Variants in PDE1A observed in about 807,000 individuals in gnomAD.
PDE1A encodes the protein phosphodiesterase 1A.
A neutral mutation model predicts 61.7 loss-of-function variants in PDE1A; 35 were observed. That is an observed-to-expected ratio of 0.57 (90% confidence interval 0.43 to 0.75). PDE1A has a LOEUF of 0.75. Ranked by LOEUF, PDE1A falls within the 30% of genes least tolerant of loss-of-function variation. PDE1A has a pLI of 0.00. For synonymous variants in PDE1A, 232 were observed against 213.2 expected (o/e 1.09, Z -0.77); for missense variants, 597 against 630.6 (o/e 0.95, Z 0.57).
chr2:182,623,483 G>A, the PDE1A span, among the ~76,000 whole-genome samples: 1 of 152,164 alleles, frequency 6.6e-6, no homozygotes, highest in Non-Finnish European at 1.5e-5. Flanking sequence ...GTTCTTACCA[G>A]CAAACTGACT....
chr2:182,210,053 A>C (rs1687455150), intron 7 of PDE1A, among the ~76,000 whole-genome samples: 1 of 152,214 alleles, frequency 6.6e-6, no homozygotes, highest in African/African-American at 2.4e-5. Flanking sequence ...ACTGAAGGAC[A>C]TCTTGCTGGC....
At chr2:182,524,720 TTTTC>T (rs1311765270), upstream of PDE1A, among the ~76,000 whole-genome samples, 3 of 152,068 alleles carry the variant, frequency 2.0e-5, no homozygotes, top group Non-Finnish European at 4.4e-5. Flanking sequence ...TTCAAATCAT[TTTTC>T]TTTGTTAGTT....
At chr2:182,608,823 T>C in the PDE1A span, among the ~76,000 whole-genome samples, 2 of 152,240 alleles carry the variant, frequency 1.3e-5, no homozygotes, top group African/African-American at 4.8e-5. Context: ...CCCTGCGCTC[T>C]GGTGCGGGAT....
chr2:182,626,872 C>CAT, the PDE1A span, among the ~76,000 whole-genome samples: 156 of 22,014 alleles, frequency 7.1e-3, 21 homozygotes, highest in East Asian at 0.15. Context: ...TATATATATA[C>CAT]ATATATATAT....
At chr2:182,451,222 C>CA (rs1239681284) in intron 2 of PDE1A, among the ~76,000 whole-genome samples, 1 of 69,072 alleles carries the variant, frequency 1.4e-5, no homozygotes, top group Non-Finnish European at 2.8e-5. Context: ...ACTAAAAATA[C>CA]AAAAAAATTA....
Position 182,298,531 on chromosome 2 carries a change from C to A in PDE1A, c.54-34117G>T, listed in dbSNP as rs550655425. ...GATGCATTTGGTAAAACTGAGTCCT[C>A]CAATTTCTTAGAACCCCAACAGAAG... On this transcript the variant is annotated intron_variant, in intron 1 of 13. Coordinates refer to ENST00000351439, the Ensembl canonical transcript of PDE1A. Among the ~76,000 whole-genome samples, 457 of 152,148 alleles carry A rather than the reference C, an allele frequency of 3.0e-3. 5 individuals are homozygous for A. Among genetic ancestry groups the A allele is most frequent in the Non-Finnish European group, 5.9e-3 (399 of 68,006 alleles).
chr2:182,268,150 G>A (rs973764712), intron 1 of PDE1A, among the ~76,000 whole-genome samples: 3 of 151,972 alleles, frequency 2.0e-5, no homozygotes, highest in Non-Finnish European at 4.4e-5. Context: ...AAAGCTTAGG[G>A]TGAGGGCATG....
chr2:182,311,137 A>G (rs1695941439), intron 1 of PDE1A, among the ~76,000 whole-genome samples: 1 of 152,206 alleles, frequency 6.6e-6, no homozygotes, highest in African/African-American at 2.4e-5. Flanking sequence ...TTAAGCCACC[A>G]AAATGTTGGA....
At chr2:182,335,832 C>T (rs1309269524) in intron 1 of PDE1A, among the ~76,000 whole-genome samples, 1 of 152,098 alleles carries the variant, frequency 6.6e-6, no homozygotes, top group Non-Finnish European at 1.5e-5. Flanking sequence ...GAACAGGCAA[C>T]CTATAGAATG....
the PDE1A span, among the ~76,000 whole-genome samples, chr2:182,541,169 T>A: frequency 6.6e-6 from 1 of 152,150 alleles, no homozygotes; most frequent in African/African-American, 2.4e-5. Context: ...ACTACTAACC[T>A]CACATGATTT....
chr2:182,659,733 A>G, the PDE1A span, among the ~76,000 whole-genome samples: 22 of 152,218 alleles, frequency 1.4e-4, no homozygotes, highest in Non-Finnish European at 3.1e-4. Context: ...CTCACTTACA[A>G]CATCGCTGCT....
chr2:182,499,291 C>T (rs1688945927), intron 2 of PDE1A, among the ~76,000 whole-genome samples: 2 of 151,514 alleles, frequency 1.3e-5, no homozygotes, highest in Admixed American at 1.3e-4. Context: ...ATTCTCCTGC[C>T]TCAGCCTCCC....
the PDE1A span, among the ~76,000 whole-genome samples, chr2:182,627,125 T>C: frequency 7.6e-5 from 2 of 26,228 alleles, 1 homozygote; most frequent in Non-Finnish European, 1.6e-4. Flanking sequence ...TAATATATTA[T>C]GTATATATAA....
chr2:182,397,721 T>G (rs1257179793), intron 1 of PDE1A, among the ~76,000 whole-genome samples: 1 of 152,124 alleles, frequency 6.6e-6, no homozygotes, highest in African/African-American at 2.4e-5. Flanking sequence ...GTACAGCTTC[T>G]TATCTCTTTT....
intron 1 of PDE1A, among the ~76,000 whole-genome samples, chr2:182,415,528 A>G (rs1702862682): frequency 6.6e-6 from 1 of 152,160 alleles, no homozygotes; most frequent in Non-Finnish European, 1.5e-5. Context: ...CAAGATCTAC[A>G]TCTTTCTGCT....
At chr2:182,551,797 G>GGAC in the PDE1A span, among the ~76,000 whole-genome samples, 1 of 152,306 alleles carries the variant, frequency 6.6e-6, no homozygotes, top group East Asian at 1.9e-4. Flanking sequence ...AAGGAGTGAG[G>GGAC]ATTGGCAACT....
At chr2:182,203,876 T>C (rs1356378761) in intron 8 of PDE1A, among the ~76,000 whole-genome samples, 2 of 151,944 alleles carry the variant, frequency 1.3e-5, no homozygotes, top group Non-Finnish European at 2.9e-5. Context: ...AATAGGTATT[T>C]TATAGATTTT....
intron 3 of PDE1A, among the ~76,000 whole-genome samples, chr2:182,237,058 G>C (rs1542584): frequency 0.025 from 3,760 of 152,250 alleles, 160 homozygotes; most frequent in African/African-American, 0.086. Flanking sequence ...TAGTAAACAG[G>C]TGATATATTA....
chr2:182,196,704 A>ATTTTAGTATT, intron 10 of PDE1A, among the ~76,000 whole-genome samples: 1 of 151,062 alleles, frequency 6.6e-6, no homozygotes, highest in South Asian at 2.1e-4. Context: ...ACTTCATATA[A>ATTTTAGTATT]ATTGGTTTAT....
Sources: allele counts gnomAD v4.1 joint callset (sites outside exome capture counted in the v4.1 genomes callset), GRCh38; gene constraint gnomAD v4.1.1; transcripts MANE v1.5; gene names NCBI Gene and HGNC (gene_info 2026-07-23, HGNC 2026-07-21).